RNF150: variants seen among roughly 807,000 people sequenced by gnomAD.
RNF150 encodes ring finger protein 150.
A neutral mutation model predicts 39.3 loss-of-function variants in RNF150; 24 were observed. The ratio of observed to expected loss-of-function variants is 0.61; its 90% CI spans 0.44 to 0.86. RNF150 has a LOEUF of 0.86. Among genes scored for constraint, RNF150 ranks in the 40% least tolerant of loss-of-function variants. RNF150 has a pLI of 0.00. For synonymous variants in RNF150, 255 were observed against 227.3 expected (o/e 1.12, Z -1.10); for missense variants, 502 against 587.8 (o/e 0.85, Z 1.51).
At chr4:140,955,658 T>C (rs1396613464) in intron 2 of RNF150, among the ~76,000 whole-genome samples, 1 of 152,198 alleles carries the variant, frequency 6.6e-6, no homozygotes, top group Non-Finnish European at 1.5e-5. Flanking sequence ...GCTTTTGCCT[T>C]TCTGTTCTCC....
chr4:141,106,070 T>C (rs570466898), intron 1 of RNF150, among the ~76,000 whole-genome samples: 2 of 152,234 alleles, frequency 1.3e-5, no homozygotes, highest in Non-Finnish European at 2.9e-5. Flanking sequence ...ATAAACTGTT[T>C]CCTTTTCTCA....
intron 1 of RNF150, among the ~76,000 whole-genome samples, chr4:141,090,788 G>A (rs1738550363): frequency 6.6e-6 from 1 of 152,176 alleles, no homozygotes; most frequent in African/African-American, 2.4e-5. Flanking sequence ...TTTCAGGAAC[G>A]ATGGCCAATG....
chr4:140,959,556 G>A (rs960624961), intron 2 of RNF150, among the ~76,000 whole-genome samples: 1 of 152,086 alleles, frequency 6.6e-6, no homozygotes, highest in Non-Finnish European at 1.5e-5. Flanking sequence ...GACAGACCAA[G>A]GTCTCCAAAG....
intron 5 of RNF150, among the ~76,000 whole-genome samples, chr4:140,915,034 G>A (rs538647961): frequency 3.3e-5 from 5 of 152,290 alleles, no homozygotes; most frequent in East Asian, 1.9e-4. Flanking sequence ...AGTTGTTTGC[G>A]AGTTGATACT....
At chr4:141,135,383 A>G (rs910592378), upstream of RNF150, among the ~76,000 whole-genome samples, 1 of 152,234 alleles carries the variant, frequency 6.6e-6, no homozygotes, top group African/African-American at 2.4e-5. Flanking sequence ...ACACTGGGAA[A>G]GTACAGAGTG....
chr4:140,980,022 A>G (rs1427020102), intron 1 of RNF150, among the ~76,000 whole-genome samples: 1 of 152,090 alleles, frequency 6.6e-6, no homozygotes, highest in Non-Finnish European at 1.5e-5. Flanking sequence ...AAAAATCACA[A>G]TGAATCCCCT....
intron 1 of RNF150, among the ~76,000 whole-genome samples, chr4:141,199,976 A>G (rs1240866170): frequency 6.6e-6 from 1 of 152,196 alleles, no homozygotes; most frequent in African/African-American, 2.4e-5. Flanking sequence ...ATGTGCATAT[A>G]TACATATTGA....
At chr4:140,966,548 A>G (rs1236371099) in intron 2 of RNF150, among the ~76,000 whole-genome samples, 1 of 152,130 alleles carries the variant, frequency 6.6e-6, no homozygotes, top group Non-Finnish European at 1.5e-5. Flanking sequence ...GTCAAATAAT[A>G]AAAGTAGTTA....
chr4:140,887,099 C>A (rs1396214772), intron 6 of RNF150, among the ~76,000 whole-genome samples: 1 of 152,114 alleles, frequency 6.6e-6, no homozygotes, highest in Non-Finnish European at 1.5e-5. Flanking sequence ...TCAATACAGG[C>A]AATGGTATTA....
chr4:140,985,051 C>T (rs570577643), intron 1 of RNF150, among the ~76,000 whole-genome samples: 3 of 152,198 alleles, frequency 2.0e-5, no homozygotes, highest in South Asian at 2.1e-4. Flanking sequence ...CAAGACTGTG[C>T]CAAAAATTAC....
intron 1 of RNF150, among the ~76,000 whole-genome samples, chr4:141,086,479 T>C (rs1172164379): frequency 6.6e-6 from 1 of 152,148 alleles, no homozygotes; most frequent in African/African-American, 2.4e-5. Flanking sequence ...CTGTTATTGA[T>C]AAGGCCAGCT....
chr4:141,025,973 C>G (rs1735680607), intron 1 of RNF150, among the ~76,000 whole-genome samples: 1 of 152,070 alleles, frequency 6.6e-6, no homozygotes, highest in Non-Finnish European at 1.5e-5. Context: ...GATTAGCGTC[C>G]TCCTAAGAAA....
intron 1 of RNF150, among the ~76,000 whole-genome samples, chr4:141,011,669 G>A (rs1406417631): frequency 1.3e-5 from 2 of 152,144 alleles, no homozygotes; most frequent in Non-Finnish European, 2.9e-5. Context: ...AACCATTTAT[G>A]TAAAAAAACT....
chr4:141,005,767 G>A (rs888106446), intron 1 of RNF150, among the ~76,000 whole-genome samples: 6 of 152,156 alleles, frequency 3.9e-5, no homozygotes, highest in Non-Finnish European at 8.8e-5. Context: ...ACTTTAGTTA[G>A]ATAAGAAATA....
At chr4:141,190,150 G>A (rs1728081818) in intron 1 of RNF150, among the ~76,000 whole-genome samples, 1 of 152,140 alleles carries the variant, frequency 6.6e-6, no homozygotes, top group South Asian at 2.1e-4. Context: ...CCCTCCAGGG[G>A]CTGTACCCAC....
intron 1 of RNF150, among the ~76,000 whole-genome samples, chr4:141,100,236 A>C: frequency 6.6e-6 from 1 of 152,180 alleles, no homozygotes; most frequent in African/African-American, 2.4e-5. Flanking sequence ...TTATATATTT[A>C]ATCAACATCT....
At chr4:141,198,258 C>T (rs565129898) in intron 1 of RNF150, among the ~76,000 whole-genome samples, 9 of 152,194 alleles carry the variant, frequency 5.9e-5, no homozygotes, top group African/African-American at 2.2e-4. Flanking sequence ...AACTCCTGAC[C>T]TCAGGTGATC....
intron 1 of RNF150, among the ~76,000 whole-genome samples, chr4:141,174,338 G>A (rs558140487): frequency 2.0e-5 from 3 of 152,210 alleles, no homozygotes; most frequent in African/African-American, 7.2e-5. Context: ...CCACAGTGCT[G>A]GGACCAGGCA....
intron 1 of RNF150, among the ~76,000 whole-genome samples, chr4:141,088,678 TAC>T (rs60239559): frequency 0.02 from 2,971 of 146,356 alleles, 43 homozygotes; most frequent in African/African-American, 0.044. Context: ...ACTTTGCTTT[TAC>T]ACACACACAC....
Sources: allele counts gnomAD v4.1 joint callset (sites outside exome capture counted in the v4.1 genomes callset), GRCh38; gene constraint gnomAD v4.1.1; transcripts MANE v1.5; gene names NCBI Gene and HGNC (gene_info 2026-07-23, HGNC 2026-07-21).